Variants in ZNRF3 observed in about 807,000 individuals in gnomAD.
ZNRF3 encodes the protein E3 ubiquitin-protein ligase ZNRF3.
ZNRF3 carries 23 observed loss-of-function variants against 72.5 expected under a neutral mutation model. The observed-to-expected ratio is 0.32, with a 90% CI of 0.23 to 0.45. The LOEUF (loss-of-function observed/expected upper bound fraction) is 0.45, where lower values mean the gene tolerates loss of function less well. ZNRF3 is among the 20% of genes least tolerant of loss of function. The probability of loss-of-function intolerance (pLI) is 1.00; values close to 1 mark genes in which losing one functional copy is unlikely to be tolerated. For missense variants in ZNRF3, 1,169 were observed against 1,272.1 expected (o/e 0.92, Z 1.23); for synonymous variants, 610 against 545.3 (o/e 1.12, Z -1.65).
At chr22:28,887,235 A>AGTGTGTGTGT (rs1179478685) in intron 1 of ZNRF3, among the ~76,000 whole-genome samples, 6 of 93,092 alleles carry the variant, frequency 6.4e-5, no homozygotes, top group African/African-American at 2.4e-4. Flanking sequence ...AGAGAGAGAG[A>AGTGTGTGTGT]GTGTGTGTGT....
chr22:28,939,058 G>A (rs1468907540), intron 1 of ZNRF3, among the ~76,000 whole-genome samples: 1 of 152,208 alleles, frequency 6.6e-6, no homozygotes, highest in Non-Finnish European at 1.5e-5. Context: ...GCCAAGGCTA[G>A]CAGATCGCTT....
At chr22:28,975,816 G>A (rs1006051588) in intron 1 of ZNRF3, among the ~76,000 whole-genome samples, 1 of 152,172 alleles carries the variant, frequency 6.6e-6, no homozygotes, top group Non-Finnish European at 1.5e-5. Context: ...AGGACATAAC[G>A]GAGCTTGGGC....
chr22:28,988,988 T>A (rs903973743), intron 2 of ZNRF3, among the ~76,000 whole-genome samples: 2 of 152,170 alleles, frequency 1.3e-5, no homozygotes, highest in Admixed American at 6.5e-5. Flanking sequence ...ATGTAGTGGT[T>A]TTACTTGGAG....
intron 2 of ZNRF3, among the ~76,000 whole-genome samples, chr22:28,991,275 C>T (rs1472855926): frequency 1.1e-5 from 1 of 87,134 alleles, no homozygotes; most frequent in Non-Finnish European, 2.2e-5. Context: ...GAGAGACCCT[C>T]TCTCAAAAAA....
At chr22:28,931,182 C>T (rs932005583) in intron 1 of ZNRF3, among the ~76,000 whole-genome samples, 4 of 152,152 alleles carry the variant, frequency 2.6e-5, no homozygotes, top group Non-Finnish European at 5.9e-5. Flanking sequence ...GCCAGTATGC[C>T]TCTTTTGTTC....
chr22:28,998,098 G>A (rs1024688423), intron 2 of ZNRF3, among the ~76,000 whole-genome samples: 3 of 151,124 alleles, frequency 2.0e-5, no homozygotes, highest in Admixed American at 1.3e-4. Context: ...TCAGGAGTCC[G>A]AGACAGCCTG....
chr22:28,979,935 T>C (rs989903319), intron 1 of ZNRF3, among the ~76,000 whole-genome samples: 5 of 152,206 alleles, frequency 3.3e-5, no homozygotes, highest in Non-Finnish European at 7.3e-5. Context: ...AGGGGTGATA[T>C]TTAAGTTGGT....
chr22:28,951,775 A>G (rs1166335847), intron 1 of ZNRF3, among the ~76,000 whole-genome samples: 1 of 152,164 alleles, frequency 6.6e-6, no homozygotes. Context: ...CCTGCCATGT[A>G]AGGTTCCTCC....
At chr22:29,021,786 C>T (rs1014056393) in intron 2 of ZNRF3, among the ~76,000 whole-genome samples, 1 of 152,162 alleles carries the variant, frequency 6.6e-6, no homozygotes, top group Non-Finnish European at 1.5e-5. Flanking sequence ...CCGTGCCCGG[C>T]CTTGTTTTAA....
At chr22:29,038,388 G>A (rs1382240368) in intron 2 of ZNRF3, among the ~76,000 whole-genome samples, 1 of 151,278 alleles carries the variant, frequency 6.6e-6, no homozygotes, top group Non-Finnish European at 1.5e-5. Context: ...CCAGGCTGGA[G>A]TGCAGTGGCA....
At chr22:28,969,587 A>G (rs2123812179) in intron 1 of ZNRF3, among the ~76,000 whole-genome samples, 1 of 152,300 alleles carries the variant, frequency 6.6e-6, no homozygotes, top group African/African-American at 2.4e-5. Context: ...TGGCTGGAAC[A>G]GGGTGAACAA....
At chr22:29,020,248 CCTT>C (rs1053720913) in intron 2 of ZNRF3, among the ~76,000 whole-genome samples, 4 of 94,908 alleles carry the variant, frequency 4.2e-5, no homozygotes, top group African/African-American at 1.5e-4. Context: ...ACACAACCAT[CCTT>C]TTTTTTTTTT....
chr22:29,049,411 G>T lies in ZNRF3; in HGVS notation c.1230G>T (p.Pro410=), dbSNP rs1195501927. The change falls in exon 8 of 9, where the codon CCG becomes CCT. Residue 410 remains proline (P), a synonymous_variant. Transcript: ENST00000544604. The surrounding 1 kb of genome is among the most constrained non-coding windows in gnomAD (Gnocchi z 5.2). ...DRHGEQSLYS[P]QTPAYIRSYP... is the part of the protein sequence containing the mutation. ...ACGGGGAGCAGAGCCTCTATTCCCC[G>T]CAGACCCCCGCCTACATCCGCAGCT... 3.7e-6 allele frequency: 6 copies of T among 1,608,480 alleles called. No homozygotes were observed. The Middle Eastern group carries it at 6.6e-4, about 177-fold the overall frequency.
chr22:28,989,698 G>C (rs2035921774), intron 2 of ZNRF3, among the ~76,000 whole-genome samples: 1 of 152,146 alleles, frequency 6.6e-6, no homozygotes, highest in African/African-American at 2.4e-5. Flanking sequence ...GGAGGACTCT[G>C]TCCGCTGCAG....
chr22:28,982,616 A>G (rs1254216870), intron 1 of ZNRF3, among the ~76,000 whole-genome samples: 1 of 151,946 alleles, frequency 6.6e-6, no homozygotes, highest in African/African-American at 2.4e-5. Context: ...GTTAATAGGA[A>G]AGGCCTCTGT....
intron 1 of ZNRF3, among the ~76,000 whole-genome samples, chr22:28,982,316 G>T (rs575512138): frequency 6.6e-6 from 1 of 151,810 alleles, no homozygotes; most frequent in South Asian, 2.1e-4. Flanking sequence ...TGTGTAAACC[G>T]GTCAGGTGCA....
chr22:28,937,227 TTTTTTTTTTTTA>T (rs1569252866), intron 1 of ZNRF3, among the ~76,000 whole-genome samples: 1 of 55,900 alleles, frequency 1.8e-5, no homozygotes, highest in Non-Finnish European at 4.5e-5. Context: ...TTTTTTTTTT[TTTTTTTTTTTTA>T]ACAAAAGGAA....
At chr22:29,019,815 G>A (rs142038614) in intron 2 of ZNRF3, among the ~76,000 whole-genome samples, 50 of 152,280 alleles carry the variant, frequency 3.3e-4, no homozygotes, top group African/African-American at 1.2e-3. Flanking sequence ...AATATTAAGT[G>A]TCTTGCCCGA....
chr22:29,051,768 C>T (rs769066597), intron 8 of ZNRF3, among the ~76,000 whole-genome samples: 12 of 150,416 alleles, frequency 8.0e-5, no homozygotes, highest in Non-Finnish European at 1.3e-4. Flanking sequence ...ATTAGCTGGG[C>T]GTAGCGGGCA....
Sources: gnomAD v4.1 joint callset for allele counts (sites outside exome capture counted in the v4.1 genomes callset) on GRCh38, gnomAD v4.1.1 for gene constraint, Gnocchi (gnomAD v3.1) non-coding constraint, MANE v1.5 for transcripts, NCBI Gene and HGNC (gene_info 2026-07-23, HGNC 2026-07-21) for gene names.